CRYBG1: variants seen among roughly 807,000 people sequenced by gnomAD.
The protein encoded by CRYBG1 is beta/gamma crystallin domain-containing protein 1.
A neutral mutation model predicts 189.2 loss-of-function variants in CRYBG1; 139 were observed. The ratio of observed to expected loss-of-function variants is 0.73; its 90% CI spans 0.64 to 0.85. CRYBG1 has a LOEUF of 0.85. Among genes scored for constraint, CRYBG1 ranks in the 40% least tolerant of loss-of-function variants. CRYBG1 has a pLI of 0.00. For missense variants in CRYBG1, 2,611 were observed against 2,675.8 expected (o/e 0.98, Z 0.53); for synonymous variants, 1,023 against 1,017.1 (o/e 1.01, Z -0.11).
intron 21 of CRYBG1, among the ~76,000 whole-genome samples, chr6:106,567,013 A>G (rs1774908135): frequency 6.6e-6 from 1 of 152,204 alleles, no homozygotes; most frequent in Non-Finnish European, 1.5e-5. Flanking sequence ...AGTCTGCACA[A>G]TTTAAACACT....
chr6:106,561,930 T>C (rs556642617), intron 20 of CRYBG1, among the ~76,000 whole-genome samples: 62 of 152,316 alleles, frequency 4.1e-4, no homozygotes, highest in African/African-American at 1.4e-3. Context: ...ATTTCCTAAG[T>C]GTCATACGTT....
chr6:106,561,201 A>G, intron 19 of CRYBG1, 141 bp from the exon 20 acceptor site: 1 of 1,053,244 alleles, frequency 9.5e-7, no homozygotes, highest in Non-Finnish European at 1.3e-6. Flanking sequence ...TCATTGAGAA[A>G]ATTTAAAACC....
Position 106,488,658 on chromosome 6 carries a change from G to GT in CRYBG1, c.313-22771dup, listed in dbSNP as rs540261462. On this transcript the variant is annotated intron_variant, in intron 2 of 21. Transcript: ENST00000633556. ...TTTAGGCCAACTGTCAGGCAGGGGGGTGGGTGCCTGTGGGCCTGATATCTG... is the reference window on the plus strand; with the variant it reads ...TTTAGGCCAACTGTCAGGCAGGGGGGTTGGGTGCCTGTGGGCCTGATATCTG... Among the ~76,000 whole-genome samples the GT allele has an allele frequency of 4.2e-3, 636 of 152,290 alleles. 4 individuals carry two copies. Among genetic ancestry groups the GT allele is most frequent in the Non-Finnish European group, 6.2e-3 (419 of 68,022 alleles).
chr6:106,512,649 C>G lies in CRYBG1; in HGVS notation c.1532C>G (p.Ser511Cys), dbSNP rs766152508. ...AGCAAACAGCCACCCCCGGCTTCGT[C>G]CCCCACGAAGAGGAAGGGCAGGAGC... Reference protein sequence around the residue: ...DRSKQPPPASSPTKRKGRSRA... With the variant: ...DRSKQPPPASCPTKRKGRSRA... The change falls in exon 3 of 22, where the codon TCC (serine) becomes TGC (cysteine). Residue 511 changes from serine (S) to cysteine (C), a missense_variant. This residue lies in a region of CRYBG1 where 985 missense variants were observed against 924.4 expected (regional missense o/e 1.07). Coordinates refer to ENST00000633556, the MANE Select transcript of CRYBG1 (RefSeq NM_001371242.2). 6.2e-5 allele frequency: 98 copies of G among 1,584,980 alleles called. No individual in the cohort carries two copies. Among genetic ancestry groups the G allele is most frequent in the Non-Finnish European group, 8.4e-5 (98 of 1,166,642 alleles).
At chr6:106,434,544 G>A (rs1771420072) in intron 1 of CRYBG1, among the ~76,000 whole-genome samples, 1 of 152,108 alleles carries the variant, frequency 6.6e-6, no homozygotes, top group Non-Finnish European at 1.5e-5. Flanking sequence ...GCAAAAAGAA[G>A]AAACTGTGCC....
intron 1 of CRYBG1, among the ~76,000 whole-genome samples, chr6:106,449,195 A>T (rs1771728768): frequency 6.6e-6 from 1 of 152,212 alleles, no homozygotes; most frequent in African/African-American, 2.4e-5. Flanking sequence ...AAGAAGAGAT[A>T]GGTCTTTTTT....
Position 106,360,924 on chromosome 6 carries a change from C to A in CRYBG1, c.16C>A (p.Pro6Thr). 6.5e-7 allele frequency: 1 copy of A among 1,533,942 alleles called. No individual in the cohort carries two copies. Among genetic ancestry groups the A allele is most frequent in the Non-Finnish European group, 8.7e-7 (1 of 1,145,928 alleles). Residue 6 changes from proline to threonine, a missense_variant, in exon 1 of 22, where the codon CCA (proline) becomes ACA (threonine). This residue lies in a region of CRYBG1 where 985 missense variants were observed against 924.4 expected (regional missense o/e 1.07). Coordinates refer to ENST00000633556, the MANE Select transcript of CRYBG1 (RefSeq NM_001371242.2). MPLSPPAQGDPGEPSP... is the reference protein window; with the variant it reads MPLSPTAQGDPGEPSP... The stretch of plus-strand genomic sequence containing the variant: ...GGACAAGACGATGCCGCTGTCCCCG[C>A]CAGCCCAGGGCGACCCCGGGGAGCC...
chr6:106,512,210 C>T lies in CRYBG1; in HGVS notation c.1093C>T (p.Arg365Cys), dbSNP rs769649792. The T allele has an allele frequency of 1.2e-5, 19 of 1,536,222 alleles. No homozygotes were observed. The South Asian group carries it at 2.3e-4, about 18-fold the overall frequency. Residue 365 changes from arginine to cysteine, a missense_variant, in exon 3 of 22, where the codon CGC (arginine) becomes TGC (cysteine). Coordinates refer to ENST00000633556, the MANE Select transcript of CRYBG1 (RefSeq NM_001371242.2). Reference sequence around the variant, plus strand: ...CTCCGCGCAGGCAGACTGCACAGCCCGCCCCAAGGGTCACGCCCACCCTGC... The same window carrying T: ...CTCCGCGCAGGCAGACTGCACAGCCTGCCCCAAGGGTCACGCCCACCCTGC... ...ASSAQADCTA[R>C]PKGHAHPAKV... is the part of the protein sequence containing the mutation.
At chr6:106,414,346 T>C (rs916194114) in intron 1 of CRYBG1, among the ~76,000 whole-genome samples, 2 of 152,258 alleles carry the variant, frequency 1.3e-5, no homozygotes, top group Non-Finnish European at 2.9e-5. Context: ...TCAGCATGGA[T>C]TGGCCTTGGC....
At chr6:106,426,433 G>C (rs1771227865) in intron 1 of CRYBG1, among the ~76,000 whole-genome samples, 1 of 152,188 alleles carries the variant, frequency 6.6e-6, no homozygotes, top group Non-Finnish European at 1.5e-5. Context: ...CCACAGAAGA[G>C]TGTTTATACT....
chr6:106,464,366 G>A (rs142223982), intron 2 of CRYBG1, among the ~76,000 whole-genome samples: 1,739 of 152,016 alleles, frequency 0.011, 35 homozygotes, highest in African/African-American at 0.039. Context: ...GTTGGTGCGC[G>A]CCTGTAATCC....
At chr6:106,482,545 G>T (rs578139304) in intron 2 of CRYBG1, among the ~76,000 whole-genome samples, 1 of 152,096 alleles carries the variant, frequency 6.6e-6, no homozygotes, top group Non-Finnish European at 1.5e-5. Context: ...GGAGGCCGAG[G>T]GGGGTGAATC....
chr6:106,452,244 TA>T (rs368102917), intron 2 of CRYBG1, among the ~76,000 whole-genome samples: 2,584 of 108,782 alleles, frequency 0.024, 59 homozygotes, highest in African/African-American at 0.072. Flanking sequence ...CAGACTCTAC[TA>T]AAAAAAAAAA....
intron 1 of CRYBG1, among the ~76,000 whole-genome samples, chr6:106,430,763 C>A (rs996134417): frequency 6.6e-6 from 1 of 152,072 alleles, no homozygotes; most frequent in Non-Finnish European, 1.5e-5. Context: ...AGCCGGGTAG[C>A]TGCACCTCTT....
chr6:106,406,947 C>T (rs978923912), intron 1 of CRYBG1, among the ~76,000 whole-genome samples: 3 of 152,352 alleles, frequency 2.0e-5, no homozygotes, highest in Middle Eastern at 3.4e-3. Flanking sequence ...ATTGTAAAGA[C>T]TATTGGCACT....
At position 106,451,784 on chromosome 6, in the gene CRYBG1, C is replaced by G. The variant is rs961452420; in HGVS notation, c.264C>G (p.Thr88=). 13 of 1,534,824 alleles carry G rather than the reference C, an allele frequency of 8.5e-6. No homozygotes were observed. The African/African-American group carries it at 1.8e-4, about 21-fold the overall frequency. Residue 88 remains threonine (T), a synonymous_variant, in exon 2 of 22, where the codon ACC becomes ACG. Coordinates refer to ENST00000633556, the MANE Select transcript of CRYBG1 (RefSeq NM_001371242.2). ...HCGESQFFHT[T]SEALGSLLLE... ...GGGAATCCCAGTTCTTCCACACCAC[C>G]AGTGAGGCGCTTGGTTCCTTACTTC...
chr6:106,520,371 T>A lies in CRYBG1; in HGVS notation c.3163T>A (p.Ser1055Thr). Reference sequence around the variant, plus strand: ...CAGCAGAACACCCCTGATGGCTGAATCCAGTCCCACCAACTCTCCCAGCAG... The same window carrying A: ...CAGCAGAACACCCCTGATGGCTGAAACCAGTCCCACCAACTCTCCCAGCAG... Reference protein sequence around the residue: ...QGSRTPLMAESSPTNSPSSGN... With the variant: ...QGSRTPLMAETSPTNSPSSGN... Residue 1055 changes from serine (S) to threonine (T), a missense_variant, in exon 4 of 22, where the codon TCC (serine) becomes ACC (threonine). By Grantham distance (58) the Ser-to-Thr change is moderately conservative. This residue lies in a region of CRYBG1 where 1,622 missense variants were observed against 1,735.0 expected (regional missense o/e 0.93). Coordinates refer to ENST00000633556, the MANE Select transcript of CRYBG1 (RefSeq NM_001371242.2). 6.2e-7 allele frequency: 1 copy of A among 1,614,068 alleles called. No homozygotes were observed. Among genetic ancestry groups the A allele is most frequent in the Non-Finnish European group, 8.5e-7 (1 of 1,180,020 alleles).
At chr6:106,451,563 T>G (rs1771782252) in intron 1 of CRYBG1, 131 bp from the exon 2 acceptor site, 2 of 926,030 alleles carry the variant, frequency 2.2e-6, no homozygotes, top group South Asian at 4.4e-5. Flanking sequence ...GCCGTGTAGG[T>G]TTTGAAGAAT....
chr6:106,531,554 G>A (rs145791819), intron 8 of CRYBG1, among the ~76,000 whole-genome samples: 88 of 152,262 alleles, frequency 5.8e-4, no homozygotes, highest in Non-Finnish European at 9.1e-4. Context: ...GTTTCTCATC[G>A]CAGGGAGTAC....
Sources: allele counts gnomAD v4.1 joint callset (sites outside exome capture counted in the v4.1 genomes callset), GRCh38; gene constraint gnomAD v4.1.1; regional missense constraint gnomAD v4.1.1; transcripts MANE v1.5; gene names NCBI Gene and HGNC (gene_info 2026-07-23, HGNC 2026-07-21).